BIN1: variants seen among roughly 807,000 people sequenced by gnomAD.
BIN1 encodes bridging integrator 1, also known as myc box-dependent-interacting protein 1.
In BIN1, 53 loss-of-function variants were observed where a neutral mutation model predicts 82.0. The observed-to-expected ratio is 0.65, with a 90% confidence interval of 0.52 to 0.81. The LOEUF (loss-of-function observed/expected upper bound fraction) is 0.81. Ranked by LOEUF, BIN1 falls within the 40% of genes least tolerant of loss-of-function variation. The pLI, the probability that BIN1 is intolerant of heterozygous loss-of-function variation, is 0.00. For synonymous variants in BIN1, 302 were observed against 328.0 expected, an observed-to-expected ratio of 0.92 and a Z score of 0.86; for missense variants, 642 against 784.4, an observed-to-expected ratio of 0.82 and a Z score of 2.17.
intron 1 of BIN1, among the ~76,000 whole-genome samples, chr2:127,079,915 T>G (rs747868260): frequency 1.5e-4 from 23 of 151,884 alleles, no homozygotes; most frequent in Non-Finnish European, 2.9e-4. Flanking sequence ...CCCTGAGGGG[T>G]GACAGCAAGC....
At chr2:127,050,764 C>T in intron 17 of BIN1, 38 bp downstream of exon 17, 1 of 1,600,660 alleles carries the variant, frequency 6.2e-7, no homozygotes, top group Middle Eastern at 1.7e-4. Context: ...CCCACCAGGG[C>T]ACCGAGGGAC....
chr2:127,104,480 G>C (rs1245714474), intron 1 of BIN1, among the ~76,000 whole-genome samples: 1 of 152,124 alleles, frequency 6.6e-6, no homozygotes, highest in Non-Finnish European at 1.5e-5. Flanking sequence ...CAAGATACGG[G>C]CCCTTCTTCC....
chr2:127,048,500 G>T lies in BIN1; in HGVS notation c.*26C>A, dbSNP rs372056069. On this transcript the variant is annotated 3_prime_UTR_variant, in exon 19 of 19. Transcript: ENST00000316724. ...TTTCGGGAGGAGGTGTTCTTCACAC[G>T]CCCGGAGGCTGCCTGGGCCCCGCCG... The T allele has an allele frequency of 2.5e-6, 4 of 1,605,012 alleles. No individual in the cohort carries two copies. In the South Asian group the frequency reaches 3.3e-5, roughly 13 times the overall value.
chr2:127,057,427 G>A lies in BIN1; in HGVS notation c.1131+46C>T, dbSNP rs1683837681. On this transcript the variant is annotated intron_variant, in intron 12 of 18. Coordinates refer to ENST00000316724, the MANE Select transcript of BIN1 (RefSeq NM_139343.3). The surrounding 1 kb of genome is among the most constrained non-coding windows in gnomAD (Gnocchi z 5.0). ...AGGATGAAGGCCATGCACGCCCTGA[G>A]AGGGCAGGAAGAGAGGAGAGCTGGG... 3 of 1,521,990 alleles carry A rather than the reference G, an allele frequency of 2.0e-6. No individual in the cohort carries two copies. Among genetic ancestry groups the A allele is most frequent in the Non-Finnish European group, 2.6e-6 (3 of 1,132,174 alleles). The allele number at this position is 1,521,990 out of a possible 1,614,324, so 94.3% of individuals were successfully genotyped here.
chr2:127,103,491 C>G (rs1012668733), intron 1 of BIN1, among the ~76,000 whole-genome samples: 72 of 152,248 alleles, frequency 4.7e-4, no homozygotes, highest in African/African-American at 1.7e-3. Flanking sequence ...CCAGCCTGCA[C>G]CCCTCCAGCA....
In BIN1 at chr2:127,063,571, C is replaced by T. The variant is rs942705463; in HGVS notation, c.774G>A (p.Lys258=). 6.2e-7 allele frequency: 1 copy of T among 1,613,844 alleles called. No individual in the cohort carries two copies. The part of the protein sequence containing the change: ...LEENFHKEMS[K]LNQNLNDVLV... ...CCTCAGAGGGGTCCCCATGGCCTAC[C>T]TTGCTCATCTCCTTGTGGAAGTTTT... The change falls in exon 9 of 19, where the codon AAG becomes AAA. Residue 258 remains lysine (K), a splice_region_variant and synonymous_variant. Transcript: ENST00000316724.
At chr2:127,073,169 C>T (rs924487148) in intron 2 of BIN1, among the ~76,000 whole-genome samples, 4 of 152,262 alleles carry the variant, frequency 2.6e-5, no homozygotes, top group Non-Finnish European at 4.4e-5. Flanking sequence ...CCGGCCAGAG[C>T]ACTGCCTCCC....
chr2:127,084,159 C>T lies in BIN1; in HGVS notation c.85-7453G>A, dbSNP rs1677824875. Among the ~76,000 whole-genome samples, 5 of 152,212 alleles carry T rather than the reference C, an allele frequency of 3.3e-5. 1 individual carries two copies. The highest frequency in any genetic ancestry group is 3.3e-4 in the Admixed American group (5 of 15,282). The stretch of plus-strand genomic sequence containing the variant: ...CCTGGAGGAGAAAAAAAACTGCAGA[C>T]CTGCTGAACCAGAGTGTTCCCTTTA... On this transcript the variant is annotated intron_variant, in intron 1 of 18. Transcript: ENST00000316724.
In BIN1 at chr2:127,068,972, G is replaced by C; in HGVS notation, c.471C>G (p.Tyr157Ter). The C allele has an allele frequency of 6.2e-7, 1 of 1,614,184 alleles. No homozygotes were observed. The highest frequency in any genetic ancestry group is 8.5e-7 in the Non-Finnish European group (1 of 1,180,028). ...TCTTTTTGGCAGTTTGAAGGGACTC[G>C]TAGTGGTGCCGGGCACTGTCGTAGT... ...LVDYDSARHH[Y>*]ESLQTAKKKD... is the part of the protein sequence containing the mutation. Residue 157 changes from tyrosine (Y) to a stop codon, truncating the protein, a stop_gained, in exon 6 of 19, where the codon TAC (tyrosine) becomes TAG (stop). Transcript: ENST00000316724. LOFTEE classifies it high-confidence loss of function. This position sits in a 1 kb window ranked among gnomAD's most constrained non-coding sequence, Gnocchi z 4.9.
chr2:127,075,473 C>A (rs976791289), intron 2 of BIN1, among the ~76,000 whole-genome samples: 1 of 152,182 alleles, frequency 6.6e-6, no homozygotes, highest in Non-Finnish European at 1.5e-5. Context: ...TTGCCCAGAG[C>A]CACAGAGGCA....
intron 9 of BIN1, among the ~76,000 whole-genome samples, chr2:127,062,462 T>C (rs1684630000): frequency 6.6e-6 from 1 of 152,248 alleles, no homozygotes; most frequent in Admixed American, 6.5e-5. Context: ...TATCCTAAAA[T>C]GCCACATAGA....
At position 127,048,540 on chromosome 2, in the gene BIN1, C is replaced by T; in HGVS notation, c.1768G>A (p.Glu590Lys). ...GGGCCCCGCCGTCATGGGACCCTCT[C>T]AGTGAAGTTCTCGGGGAAGACGCCA... ...CRGVFPENFT[E>K]RVP The change falls in exon 19 of 19, where the codon GAG becomes AAG. Residue 590 changes from glutamate (E) to lysine (K), a missense_variant. Transcript: ENST00000316724. 1 of 1,614,000 alleles carries T rather than the reference C, an allele frequency of 6.2e-7. No homozygotes were observed. Among genetic ancestry groups the T allele is most frequent in the Non-Finnish European group, 8.5e-7 (1 of 1,180,034 alleles).
Position 127,080,264 on chromosome 2 carries a change from T to C in BIN1, c.85-3558A>G, listed in dbSNP as rs1687125576. 2.0e-5 allele frequency among the ~76,000 whole-genome samples: 3 copies of C among 152,154 alleles called. 1 individual carries two copies. Among genetic ancestry groups the C allele is most frequent in the Admixed American group, 1.3e-4 (2 of 15,284 alleles). On this transcript the variant is annotated intron_variant, in intron 1 of 18. Coordinates refer to ENST00000316724, the MANE Select transcript of BIN1 (RefSeq NM_139343.3). ...CCTGGGACACAGATCTCCCACCCCA[T>C]CCGTTCCACACTTGGTTAGTGGGGC... is the stretch of plus-strand genomic sequence containing the variant.
At chr2:127,087,995 G>A in intron 1 of BIN1, among the ~76,000 whole-genome samples, 1 of 152,182 alleles carries the variant, frequency 6.6e-6, no homozygotes, top group South Asian at 2.1e-4. Flanking sequence ...AGCTGCCCAG[G>A]CCTCACCCTC....
chr2:127,050,289 A>C, intron 18 of BIN1, 132 bp downstream of exon 18: 1 of 867,360 alleles, frequency 1.2e-6, no homozygotes, highest in Non-Finnish European at 1.9e-6. Flanking sequence ...GGGGAGGAGC[A>C]GTTGGCGCGG....
intron 11 of BIN1, among the ~76,000 whole-genome samples, chr2:127,058,505 A>T (rs1438024356): frequency 1.3e-5 from 2 of 151,994 alleles, no homozygotes; most frequent in Non-Finnish European, 2.9e-5. Flanking sequence ...ACAGTCCAGA[A>T]GCCCAGGACC....
At chr2:127,106,786 A>C in intron 1 of BIN1, 74 bp downstream of exon 1, 1 of 1,518,762 alleles carries the variant, frequency 6.6e-7, no homozygotes, top group Admixed American at 2.0e-5. Flanking sequence ...CCGGGGTCGG[A>C]GGATAGGGGG....
chr2:127,085,915 C>A (rs1678091261), intron 1 of BIN1, among the ~76,000 whole-genome samples: 1 of 152,222 alleles, frequency 6.6e-6, no homozygotes. Flanking sequence ...ATGCTGCCAG[C>A]TCAGCTCTCA....
intron 7 of BIN1, among the ~76,000 whole-genome samples, chr2:127,066,105 G>A (rs1262518320): frequency 6.6e-6 from 1 of 152,194 alleles, no homozygotes; most frequent in Non-Finnish European, 1.5e-5. Context: ...TAGAGAGGAT[G>A]CACTATCTCC....
Sources: allele counts gnomAD v4.1 joint callset (sites outside exome capture counted in the v4.1 genomes callset), GRCh38; gene constraint gnomAD v4.1.1; non-coding constraint Gnocchi (gnomAD v3.1); transcripts MANE v1.5; gene names NCBI Gene and HGNC (gene_info 2026-07-23, HGNC 2026-07-21).